GET4: variants seen among roughly 807,000 people sequenced by gnomAD.
The protein encoded by GET4 is Golgi to ER traffic protein 4 homolog.
A neutral mutation model predicts 40.0 loss-of-function variants in GET4; 20 were observed. The ratio of observed to expected loss-of-function variants is 0.50; its 90% CI spans 0.35 to 0.73. The LOEUF is 0.73. Ranked by LOEUF, GET4 falls within the 30% of genes least tolerant of loss-of-function variation. GET4 has a pLI of 0.01. For synonymous variants in GET4, 280 were observed against 194.6 expected (o/e 1.44, Z -3.65); for missense variants, 557 against 454.0 (o/e 1.23, Z -2.06).
intron 1 of GET4, chr7:878,200 C>T: frequency 2.1e-6 from 1 of 465,222 alleles, no homozygotes; most frequent in Non-Finnish European, 4.5e-6. Flanking sequence ...GGGTTAACTG[C>T]ACGCCCCTCG....
chr7:895,194 G>A (rs1277108265), intron 8 of GET4, 140 bp from the exon 9 acceptor site: 2 of 528,542 alleles, frequency 3.8e-6, no homozygotes, highest in Non-Finnish European at 3.5e-6. Flanking sequence ...GGGTTCCTGG[G>A]TCGTAGACAG....
rs775822734 is a variant in GET4 at position 892,330 on chromosome 7, A to T, written c.658A>T (p.Thr220Ser). The T allele has an allele frequency of 6.3e-7, 1 of 1,595,614 alleles. No individual in the cohort carries two copies. The highest frequency in any genetic ancestry group is 8.6e-7 in the Non-Finnish European group (1 of 1,164,522). Residue 220 changes from threonine (T) to serine (S), a missense_variant, in exon 6 of 9, where the codon ACC (threonine) becomes TCC (serine). Physicochemically the swap from Thr to Ser is moderately conservative, Grantham distance 58. Coordinates refer to ENST00000265857, the MANE Select transcript of GET4 (RefSeq NM_015949.3). ...CGCATCGGTGGTCTTCACGACGTAC[A>T]CCCAGAAGCACCCGTCCATCGAGGA... is the stretch of plus-strand genomic sequence containing the variant. ...SSASVVFTTYTQKHPSIEDGP... is the reference protein window; with the variant it reads ...SSASVVFTTYSQKHPSIEDGP...
At position 895,386 on chromosome 7, in the gene GET4, GAGCCCCAGCGACGGC is replaced by G. The variant is rs1844455655; in HGVS notation, c.956_970del (p.Ser319_Pro323del). On this transcript the variant is annotated inframe_deletion, in exon 9 of 9. Transcript: ENST00000265857. ...CCTCAGAGCAGGAGGATGGGGAGGA[GAGCCCCAGCGACGGC>G]AGCCCCATCGAGCTGGACTGAACTG... 6.3e-7 allele frequency: 1 copy of G among 1,598,252 alleles called. No individual in the cohort carries two copies. Among genetic ancestry groups the G allele is most frequent in the Non-Finnish European group, 8.6e-7 (1 of 1,167,262 alleles).
chr7:883,535 G>T, intron 1 of GET4: 2 of 985,358 alleles, frequency 2.0e-6, no homozygotes, highest in Non-Finnish European at 2.4e-6. Context: ...TTGCTCTGTG[G>T]ATACAGATGT....
chr7:884,065 G>T, intron 1 of GET4: 1 of 1,184,086 alleles, frequency 8.4e-7, no homozygotes, highest in Non-Finnish European at 1.1e-6. Context: ...CAGGAATATG[G>T]GTCACTGCCT....
rs1843947406 is a variant in GET4 at position 876,681 on chromosome 7, C to G, written c.36C>G (p.Ser12Arg). 1.5e-6 allele frequency: 2 copies of G among 1,339,144 alleles called. No homozygotes were observed. The highest frequency in any genetic ancestry group is 1.6e-5 in the African/African-American group (1 of 64,146). The allele number at this position is 1,339,144 out of a possible 1,614,324, so 83.0% of individuals were successfully genotyped here. The change falls in exon 1 of 9, where the codon AGC (serine) becomes AGG (arginine). Residue 12 changes from serine to arginine, a missense_variant. By Grantham distance (110) the Ser-to-Arg change is moderately radical. Coordinates refer to ENST00000265857, the MANE Select transcript of GET4 (RefSeq NM_015949.3). ...CGGCGGCGATGGCCGAGCAGGAGAGCGCCCGGAACGGCGGCCGCAACCGCG... is the reference window on the plus strand; with the variant it reads ...CGGCGGCGATGGCCGAGCAGGAGAGGGCCCGGAACGGCGGCCGCAACCGCG... ...AAAAAMAEQE[S>R]ARNGGRNRGG...
At chr7:884,354 A>G in intron 1 of GET4, 4 of 1,303,674 alleles carry the variant, frequency 3.1e-6, no homozygotes, top group South Asian at 1.2e-5. Flanking sequence ...GGCCGGTCAC[A>G]GAGTCAGTGG....
intron 1 of GET4, 155 bp from the exon 2 acceptor site, chr7:885,900 AC>A: frequency 3.2e-6 from 2 of 632,680 alleles, no homozygotes; most frequent in Non-Finnish European, 5.7e-6. Context: ...CCCAGGATAG[AC>A]CCCCTCCACG....
intron 3 of GET4, chr7:887,089 C>T (rs1178066206): frequency 7.9e-6 from 5 of 629,210 alleles, no homozygotes; most frequent in Non-Finnish European, 1.5e-5. Context: ...GTACCCAGAG[C>T]GGCCACAGCT....
chr7:877,214 TC>T lies in GET4; in HGVS notation c.155+415del, dbSNP rs1485451005. 1.4e-3 allele frequency among the ~76,000 whole-genome samples: 209 copies of T among 145,864 alleles called. 2 individuals are homozygous for T. The highest frequency in any genetic ancestry group is 5.2e-3 in the African/African-American group (199 of 38,600). On this transcript the variant is annotated intron_variant, in intron 1 of 8. Coordinates refer to ENST00000265857, the MANE Select transcript of GET4 (RefSeq NM_015949.3). ...CCACCTTGGTCTCGCTCTCTCTCTC[TC>T]TCTCTCTGGCCTTCTCCTTCTTCCT...
chr7:877,127 C>T (rs1317020454), intron 1 of GET4, among the ~76,000 whole-genome samples: 3 of 151,904 alleles, frequency 2.0e-5, no homozygotes, highest in Non-Finnish European at 2.9e-5. Flanking sequence ...CTTCCTCTGT[C>T]TCCTCGGCCG....
chr7:890,828 G>A (rs764432904), intron 4 of GET4, 100 bp from the exon 5 acceptor site: 304 of 946,206 alleles, frequency 3.2e-4, no homozygotes, highest in Non-Finnish European at 4.5e-4. Flanking sequence ...CCTCCAGGGC[G>A]GGCAGGTGGG....
At chr7:886,996 G>A (rs1844202863) in intron 3 of GET4, 2 of 514,204 alleles carry the variant, frequency 3.9e-6, no homozygotes, top group Admixed American at 2.8e-5. Flanking sequence ...CGTGCGGTTG[G>A]CAGAGCCCTT....
At position 886,142 on chromosome 7, in the gene GET4, G is replaced by A. The variant is rs758774760; in HGVS notation, c.234+8G>A. The A allele has an allele frequency of 9.5e-6, 15 of 1,578,166 alleles. No individual in the cohort carries two copies. The highest frequency in any genetic ancestry group is 4.5e-5 in the East Asian group (2 of 44,698). ...TTCTTCAGCCATGGCCAGGTAAGCC[G>A]TCTTGCTTCCTCCTGCATCCCTTTC... On this transcript the variant is annotated splice_region_variant and intron_variant, in intron 2 of 8. Coordinates refer to ENST00000265857, the MANE Select transcript of GET4 (RefSeq NM_015949.3).
At chr7:887,259 T>C (rs1168443846) in intron 3 of GET4, 111 bp from the exon 4 acceptor site, 2 of 1,107,226 alleles carry the variant, frequency 1.8e-6, no homozygotes, top group Middle Eastern at 2.0e-4. Context: ...GCCCAGCAGG[T>C]TCCTCTCCCT....
chr7:894,938 C>T lies in GET4; in HGVS notation c.896-396C>T, dbSNP rs73252041. 6.3e-3 allele frequency among the ~76,000 whole-genome samples: 962 copies of T among 152,226 alleles called. 15 individuals are homozygous for T. Among genetic ancestry groups the T allele is most frequent in the African/African-American group, 0.021 (887 of 41,542 alleles). ...AGTTGATTCATGTGTCACTGTAGGG[C>T]GCAGTGTGCTCTACAGCCCCACTTC... On this transcript the variant is annotated intron_variant, in intron 8 of 8. Coordinates refer to ENST00000265857, the MANE Select transcript of GET4 (RefSeq NM_015949.3).
intron 1 of GET4, chr7:880,720 GAGTC>G (rs763605549): frequency 2.6e-5 from 4 of 152,242 alleles, no homozygotes; most frequent in East Asian, 1.9e-4. Flanking sequence ...AATGAAGACT[GAGTC>G]AGCAGCGGCA....
rs779177640 is a variant in GET4, at chr7:891,047, G to T, written c.586G>T (p.Val196Leu). 6.8e-6 allele frequency: 11 copies of T among 1,607,004 alleles called. No homozygotes were observed. Among genetic ancestry groups the T allele is most frequent in the South Asian group, 1.1e-5 (1 of 90,458 alleles). ...RGFRSEVDMF[V>L]AQAVLQFLCL... ...CTTCCGCAGCGAGGTGGACATGTTC[G>T]TGGCCCAGGCCGTGCTACAGTAGGT... The change falls in exon 5 of 9, where the codon GTG becomes TTG. Residue 196 changes from valine (V) to leucine (L), a missense_variant. Physicochemically the swap from Val to Leu is conservative, Grantham distance 32. Transcript: ENST00000265857.
intron 1 of GET4, chr7:885,530 C>T (rs1198043330): frequency 1.9e-5 from 3 of 156,830 alleles, no homozygotes; most frequent in Non-Finnish European, 2.8e-5. Context: ...CGGGGCACCC[C>T]AGACCCTTCC....
Sources: allele counts gnomAD v4.1 joint callset (sites outside exome capture counted in the v4.1 genomes callset), GRCh38; gene constraint gnomAD v4.1.1; transcripts MANE v1.5; gene names NCBI Gene and HGNC (gene_info 2026-07-23, HGNC 2026-07-21).